TSHZ2: variants seen among roughly 807,000 people sequenced by gnomAD.
TSHZ2 encodes teashirt homolog 2.
In TSHZ2, 21 loss-of-function variants were observed where a neutral mutation model predicts 74.4. The ratio of observed to expected loss-of-function variants is 0.28; its 90% CI spans 0.20 to 0.41. The LOEUF (loss-of-function observed/expected upper bound fraction) is 0.41, where lower values mean the gene tolerates loss of function less well. Ranked by LOEUF, TSHZ2 falls within the 10% of genes least tolerant of loss-of-function variation. The pLI, the probability that TSHZ2 is intolerant of heterozygous loss-of-function variation, is 1.00. For synonymous variants in TSHZ2, 540 were observed against 515.3 expected (o/e 1.05, Z -0.65); for missense variants, 1,244 against 1,293.5 (o/e 0.96, Z 0.59).
chr20:53,223,522 G>T (rs1044413263), intron 1 of TSHZ2, among the ~76,000 whole-genome samples: 5 of 152,104 alleles, frequency 3.3e-5, no homozygotes, highest in Non-Finnish European at 7.4e-5. Context: ...CTCCCAGATA[G>T]CTGGGACTAC....
intron 1 of TSHZ2, among the ~76,000 whole-genome samples, chr20:53,248,356 G>A (rs1990253971): frequency 6.6e-6 from 1 of 151,862 alleles, no homozygotes; most frequent in Non-Finnish European, 1.5e-5. Context: ...TTACAGGTGT[G>A]AGCCACCATG....
Position 53,189,050 on chromosome 20 carries a change from G to A in TSHZ2, c.41-64449G>A, listed in dbSNP as rs1264670123. Reference sequence around the variant, plus strand: ...TCTTTCCTCATGCCATTTCTAATAGGTCACACAAGGATTTGCATATCATTT... The same window carrying A: ...TCTTTCCTCATGCCATTTCTAATAGATCACACAAGGATTTGCATATCATTT... On this transcript the variant is annotated intron_variant, in intron 1 of 2. Transcript: ENST00000371497. Among the ~76,000 whole-genome samples, 5 of 152,122 alleles carry A rather than the reference G, an allele frequency of 3.3e-5. No homozygotes were observed. The South Asian group carries it at 1.0e-3, about 31-fold the overall frequency.
At chr20:53,478,592 G>A (rs375894298) in intron 2 of TSHZ2, among the ~76,000 whole-genome samples, 2 of 138,610 alleles carry the variant, frequency 1.4e-5, no homozygotes, top group South Asian at 4.9e-4. Flanking sequence ...CAGCGCACCA[G>A]CATGGCACAT....
intron 1 of TSHZ2, among the ~76,000 whole-genome samples, chr20:53,094,081 T>A (rs1232897472): frequency 6.6e-6 from 1 of 152,110 alleles, no homozygotes; most frequent in Admixed American, 6.5e-5. Context: ...AGTAAAGTTT[T>A]ATTGGAATAC....
At chr20:53,210,723 G>A (rs777181376) in intron 1 of TSHZ2, among the ~76,000 whole-genome samples, 57 of 151,948 alleles carry the variant, frequency 3.8e-4, no homozygotes, top group Non-Finnish European at 7.2e-4. Context: ...AGGCTTGATG[G>A]GGGGGCTCTT....
chr20:53,000,351 T>C (rs1982365359), intron 1 of TSHZ2, among the ~76,000 whole-genome samples: 1 of 152,220 alleles, frequency 6.6e-6, no homozygotes, highest in Admixed American at 6.5e-5. Context: ...AAAAGTTTGC[T>C]GGCTTCTGCC....
At chr20:53,244,256 AGT>A (rs1018278685) in intron 1 of TSHZ2, among the ~76,000 whole-genome samples, 8 of 152,148 alleles carry the variant, frequency 5.3e-5, no homozygotes, top group Non-Finnish European at 1.2e-4. Context: ...TATGTGTGTG[AGT>A]GTGTTTATAT....
At chr20:53,454,743 G>A (rs1435587313) in intron 2 of TSHZ2, among the ~76,000 whole-genome samples, 1 of 151,902 alleles carries the variant, frequency 6.6e-6, no homozygotes, top group Admixed American at 6.6e-5. Flanking sequence ...GATGGTTATG[G>A]TTTCTTTTGA....
At chr20:53,300,518 T>C (rs552448437) in intron 2 of TSHZ2, among the ~76,000 whole-genome samples, 15 of 152,344 alleles carry the variant, frequency 9.8e-5, no homozygotes, top group African/African-American at 3.4e-4. Flanking sequence ...TCTTTCTCCT[T>C]CTTCTCTCTC....
rs116896741 is a variant in TSHZ2 at position 53,206,999 on chromosome 20, G to T, written c.41-46500G>T. ...ACCTCCATCCATTTCAGTTTGCGGT[G>T]CCTTTCAGGTGATTTCTTATGCCAC... On this transcript the variant is annotated intron_variant, in intron 1 of 2. Transcript: ENST00000371497. Among the ~76,000 whole-genome samples the T allele has an allele frequency of 5.1e-4, 77 of 152,294 alleles. 1 individual carries two copies. In the East Asian group the frequency reaches 0.013, roughly 26 times the overall value.
In TSHZ2 at chr20:53,256,866, A is replaced by G. The variant is rs1990494470; in HGVS notation, c.*8+295A>G. On this transcript the variant is annotated intron_variant, in intron 2 of 2. Transcript: ENST00000371497. This position sits in a 1 kb window ranked among gnomAD's most constrained non-coding sequence, Gnocchi z 4.3. ...TCCATAATCCTGAATTACCCAAGGC[A>G]AGCTCCAGTGTCCAGCCAAGGCTAT... Among the ~76,000 whole-genome samples, 1 of 152,250 alleles carries G rather than the reference A, an allele frequency of 6.6e-6. No individual in the cohort carries two copies. The highest frequency in any genetic ancestry group is 1.9e-4 in the East Asian group (1 of 5,206).
At chr20:53,352,507 C>T (rs1356897577) in intron 2 of TSHZ2, among the ~76,000 whole-genome samples, 3 of 151,964 alleles carry the variant, frequency 2.0e-5, no homozygotes, top group Non-Finnish European at 2.9e-5. Flanking sequence ...AGTCTGGGGG[C>T]GGTGGCTCAC....
chr20:53,127,018 TAAAA>T (rs201808287), intron 1 of TSHZ2, among the ~76,000 whole-genome samples: 1 of 147,188 alleles, frequency 6.8e-6, no homozygotes, highest in Non-Finnish European at 1.5e-5. Flanking sequence ...AGGAAAAAGG[TAAAA>T]AAAAAGAAGA....
At chr20:53,197,183 A>T (rs182333532) in intron 1 of TSHZ2, among the ~76,000 whole-genome samples, 5 of 152,242 alleles carry the variant, frequency 3.3e-5, no homozygotes, top group Admixed American at 3.3e-4. Context: ...GGTTTACCAA[A>T]GTGGTTCATT....
rs561459927 is a variant in TSHZ2 at position 53,304,748 on chromosome 20, C to G, written c.*8+48177C>G. The stretch of plus-strand genomic sequence containing the variant: ...CCGGGTTCAAGTGATTCTCCTGCCT[C>G]AGCCTCCTGAGTAGCTGGGATTACA... On this transcript the variant is annotated intron_variant, in intron 2 of 2. Coordinates refer to ENST00000371497, the MANE Select transcript of TSHZ2 (RefSeq NM_173485.6). Among the ~76,000 whole-genome samples, 25 of 152,256 alleles carry G rather than the reference C, an allele frequency of 1.6e-4. No homozygotes were observed. In the South Asian group the frequency reaches 4.6e-3, roughly 28 times the overall value.
intron 2 of TSHZ2, among the ~76,000 whole-genome samples, chr20:53,471,707 G>A (rs1985806738): frequency 6.6e-6 from 1 of 151,904 alleles, no homozygotes. Context: ...AGTGGCAGAG[G>A]GACCCAGGTG....
At chr20:53,177,589 C>A (rs548444160) in intron 1 of TSHZ2, among the ~76,000 whole-genome samples, 3 of 152,280 alleles carry the variant, frequency 2.0e-5, no homozygotes, top group Middle Eastern at 3.4e-3. Flanking sequence ...TCCTTGGCAC[C>A]TTTACCTTCG....
chr20:53,418,432 G>A (rs1983349305), intron 2 of TSHZ2, among the ~76,000 whole-genome samples: 1 of 152,228 alleles, frequency 6.6e-6, no homozygotes. Context: ...ACAAAAGAAA[G>A]AGAGATTTAT....
At chr20:52,999,205 G>A (rs935338364) in intron 1 of TSHZ2, among the ~76,000 whole-genome samples, 4 of 152,148 alleles carry the variant, frequency 2.6e-5, no homozygotes, top group African/African-American at 9.7e-5. Flanking sequence ...GATGCACAGA[G>A]TTCCCGATTC....
Sources: allele counts gnomAD v4.1 joint callset (sites outside exome capture counted in the v4.1 genomes callset), GRCh38; gene constraint gnomAD v4.1.1; non-coding constraint Gnocchi (gnomAD v3.1); transcripts MANE v1.5; gene names NCBI Gene and HGNC (gene_info 2026-07-23, HGNC 2026-07-21).